GNAI1: variants seen among roughly 807,000 people sequenced by gnomAD.
GNAI1 encodes G protein subunit alpha i1.
A neutral mutation model predicts 38.9 loss-of-function variants in GNAI1; 11 were observed. The observed-to-expected ratio is 0.28, with a 90% CI of 0.18 to 0.47. GNAI1 has a LOEUF of 0.47. Ranked by LOEUF, GNAI1 falls within the 20% of genes least tolerant of loss-of-function variation. The pLI, the probability that GNAI1 is intolerant of heterozygous loss-of-function variation, is 0.99. For missense variants in GNAI1, 317 were observed against 436.9 expected, an observed-to-expected ratio of 0.73 and a Z score of 2.45; for synonymous variants, 166 against 145.1, an observed-to-expected ratio of 1.14 and a Z score of -1.04.
intron 1 of GNAI1, among the ~76,000 whole-genome samples, chr7:80,159,540 T>G (rs1787881373): frequency 6.6e-6 from 1 of 152,204 alleles, no homozygotes; most frequent in Non-Finnish European, 1.5e-5. Flanking sequence ...CATGTTTCAA[T>G]ACATGTATAC....
intron 1 of GNAI1, chr7:80,135,748 G>A: frequency 1.0e-6 from 1 of 977,602 alleles, no homozygotes; most frequent in South Asian, 4.8e-5. Context: ...AGAGTGCCAC[G>A]TTTGGTGAAA....
At chr7:80,198,920 A>T (rs1788630945) in intron 3 of GNAI1, among the ~76,000 whole-genome samples, 1 of 152,078 alleles carries the variant, frequency 6.6e-6, no homozygotes. Flanking sequence ...TACACAACAA[A>T]CTGTCAGTGG....
At chr7:80,169,146 A>G (rs1788061045) in intron 1 of GNAI1, among the ~76,000 whole-genome samples, 1 of 152,190 alleles carries the variant, frequency 6.6e-6, no homozygotes, top group African/African-American at 2.4e-5. Context: ...AATAGGGGGT[A>G]AGAACTGTGT....
Position 80,225,161 on chromosome 7 carries a change from T to C in GNAI1, c.*7668T>C, listed in dbSNP as rs1195026014. On this transcript the variant is annotated 3_prime_UTR_variant, in exon 8 of 8. Coordinates refer to ENST00000649796, the MANE Select transcript of GNAI1 (RefSeq NM_002069.6). ...CAGTAAAGACTTGGACTATTCCAGT[T>C]TTAAATGCTATCGTTTGGTTTGGTG... Among the ~76,000 whole-genome samples the C allele has an allele frequency of 6.6e-6, 1 of 152,248 alleles. No individual in the cohort carries two copies. Among genetic ancestry groups the C allele is most frequent in the Non-Finnish European group, 1.5e-5 (1 of 68,046 alleles).
At position 80,137,293 on chromosome 7, in the gene GNAI1, C is replaced by CTTTTTTTTTT. The variant is rs377362596; in HGVS notation, c.118+2019_118+2028dup. On this transcript the variant is annotated intron_variant, in intron 1 of 7. Transcript: ENST00000649796. The stretch of plus-strand genomic sequence containing the variant: ...GAATTCTTATTTCTTTTTCTTTTTT[C>CTTTTTTTTTT]TTTTTTTTTTTTTCTTTTCTTTTCT... Among the ~76,000 whole-genome samples the CTTTTTTTTTT allele has an allele frequency of 8.4e-5, 8 of 95,244 alleles. No homozygotes were observed. In the East Asian group the frequency reaches 9.0e-4, roughly 11 times the overall value. The allele number at this position is 95,244 out of a possible 152,430, so 62.5% of individuals were successfully genotyped here. A position where few individuals can be genotyped will look rare whatever the true frequency, so the allele number is the denominator to read the frequency against.
chr7:80,209,765 G>A (rs1788842335), intron 5 of GNAI1, among the ~76,000 whole-genome samples: 1 of 152,092 alleles, frequency 6.6e-6, no homozygotes. Flanking sequence ...TTAGCAAATG[G>A]TAACCCAATT....
intron 1 of GNAI1, among the ~76,000 whole-genome samples, chr7:80,137,293 C>CTTTTCTTTTCTTTTTTT (rs1787432808): frequency 4.2e-5 from 4 of 95,260 alleles, no homozygotes; most frequent in Non-Finnish European, 5.8e-5. Context: ...TTTCTTTTTT[C>CTTTTCTTTTCTTTTTTT]TTTTTTTTTT....
Position 80,220,802 on chromosome 7 carries a change from A to C in GNAI1, c.*3309A>C, listed in dbSNP as rs551445578. Among the ~76,000 whole-genome samples the C allele has an allele frequency of 7.2e-5, 11 of 152,318 alleles. No homozygotes were observed. The highest frequency in any genetic ancestry group is 1.3e-4 in the Non-Finnish European group (9 of 68,020). ...TTTTAAACCTAGAGCTTCTGACTCC[A>C]TGTCTGTCAGAGGACCCCAAAGATG... On this transcript the variant is annotated 3_prime_UTR_variant, in exon 8 of 8. Coordinates refer to ENST00000649796, the MANE Select transcript of GNAI1 (RefSeq NM_002069.6).
intron 7 of GNAI1, 75 bp downstream of exon 7, chr7:80,212,944 G>T: frequency 2.0e-6 from 2 of 980,054 alleles, no homozygotes; most frequent in South Asian, 1.6e-5. Context: ...CAAGAATTCA[G>T]TTGTTAATTT....
chr7:80,217,190 G>T, intron 7 of GNAI1, 113 bp from the exon 8 acceptor site: 1 of 150,484 alleles, frequency 6.6e-6, no homozygotes, highest in Non-Finnish European at 1.1e-5. Context: ...AGGAGTCCAT[G>T]AATGAAACTG....
intron 4 of GNAI1, among the ~76,000 whole-genome samples, chr7:80,202,624 AC>A (rs1451028695): frequency 1.3e-5 from 2 of 152,136 alleles, no homozygotes; most frequent in Non-Finnish European, 2.9e-5. Context: ...AATACAGGTA[AC>A]TCAGGCTGTC....
At position 80,144,778 on chromosome 7, in the gene GNAI1, T is replaced by C. The variant is rs372065760; in HGVS notation, c.118+9500T>C. Among the ~76,000 whole-genome samples, 24 of 152,338 alleles carry C rather than the reference T, an allele frequency of 1.6e-4. No individual in the cohort carries two copies. In the South Asian group the frequency reaches 1.7e-3, roughly 11 times the overall value. On this transcript the variant is annotated intron_variant, in intron 1 of 7. Transcript: ENST00000649796. ...TAGTAGGAGTTAAACTGCCTTCTTATATGGTTCCGAAGTTAATCTAATTCC... is the reference window on the plus strand; with the variant it reads ...TAGTAGGAGTTAAACTGCCTTCTTACATGGTTCCGAAGTTAATCTAATTCC...
intron 1 of GNAI1, among the ~76,000 whole-genome samples, chr7:80,167,991 G>A (rs1432656853): frequency 6.6e-6 from 1 of 152,134 alleles, no homozygotes; most frequent in Non-Finnish European, 1.5e-5. Flanking sequence ...CTCTGTTGAT[G>A]GGATTCTTCT....
At chr7:80,157,681 T>C (rs1011881177) in intron 1 of GNAI1, among the ~76,000 whole-genome samples, 1 of 152,286 alleles carries the variant, frequency 6.6e-6, no homozygotes, top group African/African-American at 2.4e-5. Context: ...TTGCATTTTC[T>C]TGATGACATA....
intron 6 of GNAI1, among the ~76,000 whole-genome samples, chr7:80,211,488 G>A (rs1407437612): frequency 3.8e-4 from 55 of 145,946 alleles, no homozygotes; most frequent in Non-Finnish European, 3.0e-5. Context: ...CACCATCTCT[G>A]CTCACTGCAA....
chr7:80,213,815 G>C (rs1788913327), intron 7 of GNAI1, among the ~76,000 whole-genome samples: 1 of 151,098 alleles, frequency 6.6e-6, no homozygotes, highest in African/African-American at 2.4e-5. Context: ...GAAGAGTTTA[G>C]TTATTTACCC....
intron 1 of GNAI1, among the ~76,000 whole-genome samples, chr7:80,154,747 G>A (rs1787790596): frequency 6.6e-6 from 1 of 152,134 alleles, no homozygotes; most frequent in Non-Finnish European, 1.5e-5. Context: ...ATGTTTTCCT[G>A]AAAATGGTAT....
rs771149857 is a variant in GNAI1, at chr7:80,189,158, C to T, written c.230C>T (p.Thr77Ile). Residue 77 changes from threonine (T) to isoleucine (I), a missense_variant, in exon 3 of 8, where the codon ACC becomes ATC. Transcript: ENST00000649796. ...KQYKAVVYSN[T>I]IQSIIAIIRA... ...TACAAAGCAGTGGTCTACAGTAACA[C>T]CATCCAGTCAATTATTGCTATCATT... 1 of 1,605,570 alleles carries T rather than the reference C, an allele frequency of 6.2e-7. No homozygotes were observed. The highest frequency in any genetic ancestry group is 1.1e-5 in the South Asian group (1 of 89,782).
Position 80,154,773 on chromosome 7 carries a change from AT to A in GNAI1, c.118+19498del, listed in dbSNP as rs1408486513. ...AAAATGGTATTTTCTTGAAAATGGTATTTACATTTGCAAGAAGTTGGTTTTG... is the reference window on the plus strand; with the variant it reads ...AAAATGGTATTTTCTTGAAAATGGTATTACATTTGCAAGAAGTTGGTTTTG... On this transcript the variant is annotated intron_variant, in intron 1 of 7. Transcript: ENST00000649796. Among the ~76,000 whole-genome samples, 3 of 152,168 alleles carry A rather than the reference AT, an allele frequency of 2.0e-5. 1 individual carries two copies. In the South Asian group the frequency reaches 6.2e-4, roughly 32 times the overall value.
Sources: gnomAD v4.1 joint callset for allele counts (sites outside exome capture counted in the v4.1 genomes callset) on GRCh38, gnomAD v4.1.1 for gene constraint, MANE v1.5 for transcripts, NCBI Gene and HGNC (gene_info 2026-07-23, HGNC 2026-07-21) for gene names.